STX11: variants seen among roughly 807,000 people sequenced by gnomAD.
The protein encoded by STX11 is syntaxin 11.
A neutral mutation model predicts 19.9 loss-of-function variants in STX11; 21 were observed. The observed-to-expected ratio is 1.06, with a 90% confidence interval of 0.75 to 1.52. The LOEUF (loss-of-function observed/expected upper bound fraction) is 1.52, where lower values mean the gene tolerates loss of function less well. Ranked by LOEUF, STX11 falls within the 40% of genes most tolerant of loss-of-function variation. The probability of loss-of-function intolerance (pLI) is 0.00; values close to 1 mark genes in which losing one functional copy is unlikely to be tolerated. For missense variants in STX11, 438 were observed against 405.9 expected (o/e 1.08, Z -0.68); for synonymous variants, 193 against 174.4 (o/e 1.11, Z -0.84).
At position 144,155,962 on chromosome 6, in the gene STX11, CTTTCTT is replaced by C. The variant is rs1451882927; in HGVS notation, c.-6+5261_-6+5266del. 8.3e-6 allele frequency among the ~76,000 whole-genome samples: 1 copy of C among 120,300 alleles called. No homozygotes were observed. Among genetic ancestry groups the C allele is most frequent in the Non-Finnish European group, 1.6e-5 (1 of 62,454 alleles). The allele number at this position is 120,300 out of a possible 152,430, so 78.9% of individuals were successfully genotyped here. ...TTAATCTTTCTTTCTTTCTTTCTTTCTTTCTTTCTTTCTTTCTTTCTTTCTTTCTTT... is the reference window on the plus strand; with the variant it reads ...TTAATCTTTCTTTCTTTCTTTCTTTCTCTTTCTTTCTTTCTTTCTTTCTTT... On this transcript the variant is annotated intron_variant, in intron 1 of 1. Coordinates refer to ENST00000367568, the MANE Select transcript of STX11 (RefSeq NM_003764.4). This position sits in a 1 kb window ranked among gnomAD's most constrained non-coding sequence, Gnocchi z 4.5.
rs1801965276 is a variant in STX11 at position 144,183,861 on chromosome 6, T to C, written c.-5-2762T>C. On this transcript the variant is annotated intron_variant, in intron 1 of 1. Transcript: ENST00000367568. The surrounding 1 kb of genome is among the most constrained non-coding windows in gnomAD (Gnocchi z 4.6). ...TTTTAAGCTCAGCATGCATCAGCTC[T>C]TTTCCCTAATGCTCTCCCCTCCCCC... Among the ~76,000 whole-genome samples, 1 of 152,148 alleles carries C rather than the reference T, an allele frequency of 6.6e-6. No homozygotes were observed. The highest frequency in any genetic ancestry group is 2.4e-5 in the African/African-American group (1 of 41,432).
chr6:144,152,092 A>G lies in STX11; in HGVS notation c.-6+1389A>G, dbSNP rs1801021718. Among the ~76,000 whole-genome samples the G allele has an allele frequency of 6.6e-6, 1 of 152,122 alleles. No homozygotes were observed. The highest frequency in any genetic ancestry group is 6.6e-5 in the Admixed American group (1 of 15,266). Reference sequence around the variant, plus strand: ...CGGCAAGGTACTAGGGTAAATCTATACCCAGAGTGAAGTTTCTGTGCCAAT... The same window carrying G: ...CGGCAAGGTACTAGGGTAAATCTATGCCCAGAGTGAAGTTTCTGTGCCAAT... On this transcript the variant is annotated intron_variant, in intron 1 of 1. Coordinates refer to ENST00000367568, the MANE Select transcript of STX11 (RefSeq NM_003764.4). The surrounding 1 kb of genome is among the most constrained non-coding windows in gnomAD (Gnocchi z 4.9).
Position 144,186,636 on chromosome 6 carries a change from C to A in STX11, c.9C>A (p.Asp3Glu), listed in dbSNP as rs754278775. Residue 3 changes from aspartate (D) to glutamate (E), a missense_variant, in exon 2 of 2, where the codon GAC becomes GAA. Transcript: ENST00000367568. MKDRLAELLDLSK... is the reference protein window; with the variant it reads MKERLAELLDLSK... ...CTCTACTTGCAGGCAAAATGAAAGA[C>A]CGGCTAGCAGAACTTCTGGACTTGT... 5.0e-5 allele frequency: 80 copies of A among 1,613,974 alleles called. No individual in the cohort carries two copies. The highest frequency in any genetic ancestry group is 6.4e-5 in the Non-Finnish European group (75 of 1,180,062).
rs1349291701 is a variant in STX11, at chr6:144,175,021, G to A, written c.-5-11602G>A. Reference sequence around the variant, plus strand: ...CCCAGCTACTCGGGAGGCTGAGGCGGGTGGATCACTTGAGGCCAAGAGTTC... The same window carrying A: ...CCCAGCTACTCGGGAGGCTGAGGCGAGTGGATCACTTGAGGCCAAGAGTTC... On this transcript the variant is annotated intron_variant, in intron 1 of 1. Transcript: ENST00000367568. The surrounding 1 kb of genome is among the most constrained non-coding windows in gnomAD (Gnocchi z 5.1). 6.6e-6 allele frequency among the ~76,000 whole-genome samples: 1 copy of A among 152,052 alleles called. No homozygotes were observed. The highest frequency in any genetic ancestry group is 1.9e-4 in the East Asian group (1 of 5,174).
In STX11 at chr6:144,189,030, T is replaced by C. The variant is rs966765740; in HGVS notation, c.*1539T>C. Among the ~76,000 whole-genome samples, 3 of 151,950 alleles carry C rather than the reference T, an allele frequency of 2.0e-5. No individual in the cohort carries two copies. The highest frequency in any genetic ancestry group is 2.9e-5 in the Non-Finnish European group (2 of 67,992). Reference sequence around the variant, plus strand: ...TGTGAGCCACCATGCCTGGCCTTTTTTCCCCCCTTTTGAGACAGGGTCTCC... The same window carrying C: ...TGTGAGCCACCATGCCTGGCCTTTTCTCCCCCCTTTTGAGACAGGGTCTCC... On this transcript the variant is annotated 3_prime_UTR_variant, in exon 2 of 2. Coordinates refer to ENST00000367568, the MANE Select transcript of STX11 (RefSeq NM_003764.4).
In STX11 at chr6:144,159,234, C is replaced by T. The variant is rs1801262808; in HGVS notation, c.-6+8531C>T. On this transcript the variant is annotated intron_variant, in intron 1 of 1. Coordinates refer to ENST00000367568, the MANE Select transcript of STX11 (RefSeq NM_003764.4). The surrounding 1 kb of genome is among the most constrained non-coding windows in gnomAD (Gnocchi z 4.3). The stretch of plus-strand genomic sequence containing the variant: ...TCTGGAGTAAATGGTGCAGACACAA[C>T]AGGTACAGCTCCTGACCCTATGAAG... Among the ~76,000 whole-genome samples, 1 of 152,116 alleles carries T rather than the reference C, an allele frequency of 6.6e-6. No homozygotes were observed. Among genetic ancestry groups the T allele is most frequent in the Non-Finnish European group, 1.5e-5 (1 of 68,026 alleles).
intron 1 of STX11, among the ~76,000 whole-genome samples, chr6:144,171,647 T>G (rs927828839): frequency 2.6e-5 from 4 of 152,202 alleles, no homozygotes; most frequent in African/African-American, 9.6e-5. Context: ...TAGCACACTG[T>G]ATTATCGAAC....
upstream of STX11, among the ~76,000 whole-genome samples, chr6:144,146,845 A>G (rs1460985270): frequency 5.9e-5 from 9 of 152,138 alleles, no homozygotes; most frequent in Non-Finnish European, 1.3e-4. The surrounding 1 kb of genome is among the most constrained non-coding windows in gnomAD (Gnocchi z 4.4). Context: ...GCTACCACAC[A>G]GCTGAGATTA....
Position 144,152,246 on chromosome 6 carries a change from ATT to A in STX11, c.-6+1545_-6+1546del, listed in dbSNP as rs1169903400. Among the ~76,000 whole-genome samples the A allele has an allele frequency of 6.6e-6, 1 of 152,198 alleles. No individual in the cohort carries two copies. The highest frequency in any genetic ancestry group is 1.5e-5 in the Non-Finnish European group (1 of 68,026). On this transcript the variant is annotated intron_variant, in intron 1 of 1. Coordinates refer to ENST00000367568, the MANE Select transcript of STX11 (RefSeq NM_003764.4). This position sits in a 1 kb window ranked among gnomAD's most constrained non-coding sequence, Gnocchi z 4.9. ...AAATAGTGTGACTAATTAATAGTTTATTTAAATATGCTGGAAAATTCAATATA... is the reference window on the plus strand; with the variant it reads ...AAATAGTGTGACTAATTAATAGTTTATAAATATGCTGGAAAATTCAATATA...
In STX11 at chr6:144,176,669, C is replaced by A. The variant is rs1801786065; in HGVS notation, c.-5-9954C>A. On this transcript the variant is annotated intron_variant, in intron 1 of 1. Coordinates refer to ENST00000367568, the MANE Select transcript of STX11 (RefSeq NM_003764.4). The surrounding 1 kb of genome is among the most constrained non-coding windows in gnomAD (Gnocchi z 4.1). ...GAGGAAGGGTTTGCTATTTTAACTC[C>A]CAGGAAAGAGAAACATTTTAAATCA... Among the ~76,000 whole-genome samples, 1 of 152,004 alleles carries A rather than the reference C, an allele frequency of 6.6e-6. No homozygotes were observed. Among genetic ancestry groups the A allele is most frequent in the African/African-American group, 2.4e-5 (1 of 41,356 alleles).
rs923224194 is a variant in STX11, at chr6:144,186,610, T to A, written c.-5-13T>A. On this transcript the variant is annotated splice_polypyrimidine_tract_variant and intron_variant, in intron 1 of 1. Transcript: ENST00000367568. ...TCAATAGAGAAATTTAACTTCATTATCTCTACTTGCAGGCAAAATGAAAGA... is the reference window on the plus strand; with the variant it reads ...TCAATAGAGAAATTTAACTTCATTAACTCTACTTGCAGGCAAAATGAAAGA... 4 of 1,613,878 alleles carry A rather than the reference T, an allele frequency of 2.5e-6. No homozygotes were observed. The South Asian group carries it at 3.3e-5, about 13-fold the overall frequency.
In STX11 at chr6:144,159,010, C is replaced by CA. The variant is rs1208018915; in HGVS notation, c.-6+8310dup. On this transcript the variant is annotated intron_variant, in intron 1 of 1. Transcript: ENST00000367568. The surrounding 1 kb of genome is among the most constrained non-coding windows in gnomAD (Gnocchi z 4.3). ...CTGCCCTGTGGCCAGACTGACTTCT[C>CA]AAAGTATTCCCATAGATCCCTCTAT... Among the ~76,000 whole-genome samples, 1 of 152,204 alleles carries CA rather than the reference C, an allele frequency of 6.6e-6. No homozygotes were observed. Among genetic ancestry groups the CA allele is most frequent in the Non-Finnish European group, 1.5e-5 (1 of 68,036 alleles).
Position 144,150,656 on chromosome 6 carries a change from C to G in STX11, c.-53C>G. On this transcript the variant is annotated 5_prime_UTR_variant, in exon 1 of 2. Coordinates refer to ENST00000367568, the MANE Select transcript of STX11 (RefSeq NM_003764.4). ...CGCTGCGCCCACAGGGGACGCGCGC[C>G]CTGCCGGGAGAGGGGCTTCTCGGTT... 1.0e-6 allele frequency: 1 copy of G among 985,366 alleles called. No homozygotes were observed. The highest frequency in any genetic ancestry group is 1.7e-5 in the African/African-American group (1 of 57,336). 61.0% of individuals were successfully genotyped at this position (985,366 alleles called of 1,614,324 possible).
rs533528909 is a variant in STX11, at chr6:144,177,633, C to T, written c.-5-8990C>T. 1.3e-5 allele frequency among the ~76,000 whole-genome samples: 2 copies of T among 152,230 alleles called. No homozygotes were observed. Among genetic ancestry groups the T allele is most frequent in the Admixed American group, 1.3e-4 (2 of 15,292 alleles). On this transcript the variant is annotated intron_variant, in intron 1 of 1. Coordinates refer to ENST00000367568, the MANE Select transcript of STX11 (RefSeq NM_003764.4). The surrounding 1 kb of genome is among the most constrained non-coding windows in gnomAD (Gnocchi z 4.4). ...GGTGTGGTGGTGCACACCTGTAATC[C>T]CAGCTACTCAGGAGGCTGAGGCAGG...
the STX11 span, among the ~76,000 whole-genome samples, chr6:144,140,260 T>G: frequency 2.8e-5 from 1 of 36,100 alleles, no homozygotes; most frequent in Non-Finnish European, 5.0e-5. Flanking sequence ...ATATATTTAT[T>G]TATTTATTTT....
At chr6:144,166,032 C>A (rs368326412) in intron 1 of STX11, among the ~76,000 whole-genome samples, 2 of 152,180 alleles carry the variant, frequency 1.3e-5, no homozygotes, top group African/African-American at 2.4e-5. Context: ...TATTAGCAGC[C>A]GTAGGAGTAT....
In STX11 at chr6:144,183,110, T is replaced by C. The variant is rs1330966001; in HGVS notation, c.-5-3513T>C. ...AATTATGAAATGTGTGTGGACATTA[T>C]AAAAATTTTGGAAAATACAGAAAAG... On this transcript the variant is annotated intron_variant, in intron 1 of 1. Transcript: ENST00000367568. The surrounding 1 kb of genome is among the most constrained non-coding windows in gnomAD (Gnocchi z 4.6). Among the ~76,000 whole-genome samples, 2 of 152,230 alleles carry C rather than the reference T, an allele frequency of 1.3e-5. No individual in the cohort carries two copies. The highest frequency in any genetic ancestry group is 2.9e-5 in the Non-Finnish European group (2 of 68,034).
upstream of STX11, among the ~76,000 whole-genome samples, chr6:144,146,711 C>T (rs1341959970): frequency 1.3e-5 from 2 of 152,166 alleles, no homozygotes; most frequent in African/African-American, 2.4e-5. The surrounding 1 kb of genome is among the most constrained non-coding windows in gnomAD (Gnocchi z 4.4). Flanking sequence ...CATGCACCAC[C>T]GCACCCGGCT....
Position 144,187,474 on chromosome 6 carries a change from T to C in STX11, c.847T>C (p.Cys283Arg). ...CTGCCGGACCCTCTGCTGCTTCTGC[T>C]GTCCCTGCCTCAAGTAGCAGGCCGG... is the stretch of plus-strand genomic sequence containing the variant. ...NPCRTLCCFC[C>R]PCLK Residue 283 changes from cysteine to arginine, a missense_variant, in exon 2 of 2, where the codon TGT becomes CGT. Cys to Arg is a radical substitution (Grantham distance 180). Coordinates refer to ENST00000367568, the MANE Select transcript of STX11 (RefSeq NM_003764.4). The surrounding 1 kb of genome is among the most constrained non-coding windows in gnomAD (Gnocchi z 5.6). 1 of 1,612,400 alleles carries C rather than the reference T, an allele frequency of 6.2e-7. No homozygotes were observed. Among genetic ancestry groups the C allele is most frequent in the Non-Finnish European group, 8.5e-7 (1 of 1,179,940 alleles).
Sources: allele counts gnomAD v4.1 joint callset (sites outside exome capture counted in the v4.1 genomes callset), GRCh38; gene constraint gnomAD v4.1.1; non-coding constraint Gnocchi (gnomAD v3.1); transcripts MANE v1.5; gene names NCBI Gene and HGNC (gene_info 2026-07-23, HGNC 2026-07-21).